ACSL6: variants seen among roughly 807,000 people sequenced by gnomAD.
ACSL6 encodes acyl-CoA synthetase long chain family member 6.
ACSL6 carries 47 observed loss-of-function variants against 98.2 expected under a neutral mutation model. The ratio of observed to expected loss-of-function variants is 0.48; its 90% CI spans 0.38 to 0.61. ACSL6 has a LOEUF of 0.61. ACSL6 is among the 20% of genes least tolerant of loss of function. The pLI, the probability that ACSL6 is intolerant of heterozygous loss-of-function variation, is 0.00. For missense variants in ACSL6, 761 were observed against 913.4 expected, an observed-to-expected ratio of 0.83 and a Z score of 2.15; for synonymous variants, 362 against 336.9, an observed-to-expected ratio of 1.07 and a Z score of -0.82.
At chr5:132,000,824 A>G (rs1755048333) in intron 1 of ACSL6, among the ~76,000 whole-genome samples, 3 of 152,324 alleles carry the variant, frequency 2.0e-5, no homozygotes, top group South Asian at 2.1e-4. Context: ...CCAGGACAGG[A>G]CCCAGTGCTC....
At chr5:132,009,543 A>G (rs1298398844) in intron 1 of ACSL6, among the ~76,000 whole-genome samples, 3 of 152,222 alleles carry the variant, frequency 2.0e-5, no homozygotes, top group African/African-American at 7.2e-5. Flanking sequence ...TGTCTGGGTT[A>G]TTCTATCCAA....
At position 131,994,187 on chromosome 5, in the gene ACSL6, A is replaced by G. The variant is rs764439237; in HGVS notation, c.114T>C (p.Pro38=). Residue 38 remains proline (P), a synonymous_variant, in exon 2 of 21, where the codon CCT becomes CCC. Transcript: ENST00000651883. Reference sequence around the variant, plus strand: ...AAAACTGTCCCAAGTCACCTAGCTCAGGCAGTCGCAGTATCCTCAGGATCT... The same window carrying G: ...AAAACTGTCCCAAGTCACCTAGCTCGGGCAGTCGCAGTATCCTCAGGATCT... ...TQEILRILRL[P]ELGDLGQFFR... 8.7e-6 allele frequency: 14 copies of G among 1,614,032 alleles called. No individual in the cohort carries two copies. The highest frequency in any genetic ancestry group is 1.2e-5 in the Non-Finnish European group (14 of 1,179,990).
Position 131,986,825 on chromosome 5 carries a change from A to G in ACSL6, c.861T>C (p.Pro287=), listed in dbSNP as rs1435235683. ...EDCGQENHQA[P]VPPQPDDLSI... is the part of the protein sequence containing the mutation. ...ACCTGCAGGTGAATTCGCTTACCAC[A>G]GGAGCCTGGTGATTCTCTTGGCCAC... Residue 287 remains proline (P), a synonymous_variant, in exon 8 of 21, where the codon CCT becomes CCC. Coordinates refer to ENST00000651883, the MANE Select transcript of ACSL6 (RefSeq NM_001009185.3). 1 of 1,614,114 alleles carries G rather than the reference A, an allele frequency of 6.2e-7. No homozygotes were observed. The highest frequency in any genetic ancestry group is 8.5e-7 in the Non-Finnish European group (1 of 1,180,050).
At chr5:131,989,599 T>A in intron 4 of ACSL6, 91 bp from the exon 5 acceptor site, 1 of 975,482 alleles carries the variant, frequency 1.0e-6, no homozygotes, top group East Asian at 2.7e-5. Flanking sequence ...TTTTTTTTTT[T>A]TTTTTTTTTT....
At chr5:131,963,636 T>G (rs984919868) in intron 17 of ACSL6, among the ~76,000 whole-genome samples, 3 of 152,192 alleles carry the variant, frequency 2.0e-5, no homozygotes, top group Non-Finnish European at 4.4e-5. Flanking sequence ...GGATCTCCAG[T>G]GGTCAGGCTC....
At chr5:131,955,074 G>C (rs987545491) in intron 20 of ACSL6, among the ~76,000 whole-genome samples, 1 of 152,158 alleles carries the variant, frequency 6.6e-6, no homozygotes, top group African/African-American at 2.4e-5. Flanking sequence ...GCAATGGCAT[G>C]GCTGAATACA....
At chr5:131,968,265 G>C (rs1412473339) in intron 15 of ACSL6, 1 of 467,548 alleles carries the variant, frequency 2.1e-6, no homozygotes, top group African/African-American at 2.0e-5. Flanking sequence ...TAATAAGCAG[G>C]ACAGGCACAC....
intron 1 of ACSL6, among the ~76,000 whole-genome samples, chr5:132,004,412 A>T (rs1755269444): frequency 6.6e-6 from 1 of 152,182 alleles, no homozygotes; most frequent in African/African-American, 2.4e-5. Flanking sequence ...TGAGCCTGAG[A>T]GGACATCTAG....
intron 10 of ACSL6, chr5:131,975,876 C>T (rs1390882875): frequency 1.0e-6 from 1 of 985,366 alleles, no homozygotes; most frequent in Non-Finnish European, 1.2e-6. Flanking sequence ...ACCTTGGCTC[C>T]TGACCTGGGC....
Position 131,954,141 on chromosome 5 carries a change from AT to A in ACSL6, c.*92del. On this transcript the variant is annotated 3_prime_UTR_variant, in exon 21 of 21. Coordinates refer to ENST00000651883, the MANE Select transcript of ACSL6 (RefSeq NM_001009185.3). ...CAGTCATAAAATCAGATGCTTATTCATTTTCAGCTGTGTCATTTTGACTCAT... is the reference window on the plus strand; with the variant it reads ...CAGTCATAAAATCAGATGCTTATTCATTTCAGCTGTGTCATTTTGACTCAT... 7.4e-7 allele frequency: 1 copy of A among 1,345,160 alleles called. No individual in the cohort carries two copies. The allele number at this position is 1,345,160 out of a possible 1,614,324, so 83.3% of individuals were successfully genotyped here. A position where few individuals can be genotyped will look rare whatever the true frequency, so the allele number is the denominator to read the frequency against.
chr5:131,990,121 G>A lies in ACSL6; in HGVS notation c.429C>T (p.Tyr143=). The change falls in exon 4 of 21, where the codon TAC becomes TAT. Residue 143 remains tyrosine, a synonymous_variant. Coordinates refer to ENST00000651883, the MANE Select transcript of ACSL6 (RefSeq NM_001009185.3). The part of the protein sequence containing the change: ...CLGFRKPKQP[Y]QWLSYQEVAD... Reference sequence around the variant, plus strand: ...TCACCTCCTGGTAGGACAGCCACTGGTAAGGCTGCTTAGGCTTCCTGAAAC... The same window carrying A: ...TCACCTCCTGGTAGGACAGCCACTGATAAGGCTGCTTAGGCTTCCTGAAAC... 6.2e-7 allele frequency: 1 copy of A among 1,613,988 alleles called. No homozygotes were observed. The highest frequency in any genetic ancestry group is 8.5e-7 in the Non-Finnish European group (1 of 1,179,976).
At position 132,002,488 on chromosome 5, in the gene ACSL6, G is replaced by C. The variant is rs745365278; in HGVS notation, c.50-8237C>G. 2.8e-4 allele frequency among the ~76,000 whole-genome samples: 42 copies of C among 152,224 alleles called. No individual in the cohort carries two copies. In the Middle Eastern group the frequency reaches 0.027, roughly 99 times the overall value. ...AGGGAAGCTCCTTGAAGTAGGGAGG[G>C]TCCTGCCAATATATGGTTGGGGGTC... is the stretch of plus-strand genomic sequence containing the variant. On this transcript the variant is annotated intron_variant, in intron 1 of 20. Transcript: ENST00000651883.
chr5:131,981,004 C>A (rs1753858952), intron 9 of ACSL6, among the ~76,000 whole-genome samples: 1 of 152,138 alleles, frequency 6.6e-6, no homozygotes. Context: ...ACTCTGACTC[C>A]CACTCCACAA....
At chr5:131,962,792 TC>T (rs1164899083) in intron 17 of ACSL6, 114 bp from the exon 18 acceptor site, 1 of 1,212,274 alleles carries the variant, frequency 8.2e-7, no homozygotes, top group African/African-American at 1.5e-5. Flanking sequence ...CACCCCGATT[TC>T]TTTTCCATCT....
intron 7 of ACSL6, among the ~76,000 whole-genome samples, chr5:131,987,793 G>A (rs1471251415): frequency 2.0e-5 from 3 of 152,130 alleles, no homozygotes; most frequent in Non-Finnish European, 2.9e-5. Context: ...CTGGCACCAC[G>A]GTCCACCAGT....
At chr5:131,965,173 G>A (rs549837491) in intron 17 of ACSL6, among the ~76,000 whole-genome samples, 2 of 152,270 alleles carry the variant, frequency 1.3e-5, no homozygotes, top group African/African-American at 2.4e-5. Context: ...CATCATTCAC[G>A]TGCCTCATTA....
At chr5:131,975,810 A>G in intron 10 of ACSL6, 1 of 985,174 alleles carries the variant, frequency 1.0e-6, no homozygotes, top group Non-Finnish European at 1.2e-6. Context: ...CCTGCTCTCC[A>G]CCCCTTTGCA....
At chr5:131,987,919 C>T in intron 7 of ACSL6, 129 bp downstream of exon 7, 3 of 1,246,788 alleles carry the variant, frequency 2.4e-6, no homozygotes. Flanking sequence ...CCTGCCCTGT[C>T]TGGACACTGA....
Position 131,971,571 on chromosome 5 carries a change from G to A in ACSL6, c.1413C>T (p.Leu471=). ...ATACCTGGCACCCTAGAGCTGCCCG[G>A]AGAAATCCCAGAACTGTTGGTGATG... ...APASPTVLGF[L]RAALGCQVYE... is the part of the protein sequence containing the mutation. The change falls in exon 14 of 21, where the codon CTC becomes CTT. Residue 471 remains leucine (L), a synonymous_variant. Coordinates refer to ENST00000651883, the MANE Select transcript of ACSL6 (RefSeq NM_001009185.3). 6.2e-7 allele frequency: 1 copy of A among 1,610,996 alleles called. No homozygotes were observed. Among genetic ancestry groups the A allele is most frequent in the Non-Finnish European group, 8.5e-7 (1 of 1,178,398 alleles).
Sources: allele counts gnomAD v4.1 joint callset (sites outside exome capture counted in the v4.1 genomes callset), GRCh38; gene constraint gnomAD v4.1.1; transcripts MANE v1.5; gene names NCBI Gene and HGNC (gene_info 2026-07-23, HGNC 2026-07-21).